The following MELK variants were observed in gnomAD, a reference collection of about 807,000 sequenced individuals.
MELK encodes pEg3 kinase.
MELK carries 81 observed loss-of-function variants against 85.0 expected under a neutral mutation model. The observed-to-expected ratio is 0.95, with a 90% CI of 0.80 to 1.15. The LOEUF is 1.15. Among genes scored for constraint, MELK ranks in the 50% most tolerant of loss-of-function variants. The probability of loss-of-function intolerance (pLI) is 0.00; values close to 1 mark genes in which losing one functional copy is unlikely to be tolerated. For missense variants in MELK, 754 were observed against 777.5 expected (o/e 0.97, Z 0.36); for synonymous variants, 252 against 265.0 (o/e 0.95, Z 0.48).
chr9:36,589,408 A>C, intron 3 of MELK, 128 bp from the exon 4 acceptor site: 1 of 676,728 alleles, frequency 1.5e-6, no homozygotes. Context: ...TCGGCCTCCC[A>C]AAGTGCGGGA....
intron 7 of MELK, chr9:36,606,786 TA>T (rs1381125155): frequency 6.7e-6 from 1 of 148,426 alleles, no homozygotes; most frequent in Non-Finnish European, 1.5e-5. Context: ...TATATATAAA[TA>T]AATGATATAT....
intron 4 of MELK, 29 bp from the exon 5 acceptor site, chr9:36,594,599 C>G: frequency 6.3e-7 from 1 of 1,596,276 alleles, no homozygotes. Flanking sequence ...TAAGTTGTAA[C>G]AATATCTGTG....
At chr9:36,580,032 T>G (rs960938958) in intron 1 of MELK, among the ~76,000 whole-genome samples, 1 of 148,096 alleles carries the variant, frequency 6.8e-6, no homozygotes, top group Non-Finnish European at 1.5e-5. Context: ...AATTTTTTCA[T>G]GTCTTCTTTT....
intron 13 of MELK, among the ~76,000 whole-genome samples, chr9:36,659,180 CT>C (rs1028812722): frequency 2.0e-5 from 3 of 151,712 alleles, no homozygotes; most frequent in African/African-American, 4.8e-5. Context: ...TGCACCTGGC[CT>C]TTTTTTTGTG....
intron 10 of MELK, among the ~76,000 whole-genome samples, chr9:36,635,090 G>A (rs1252851498): frequency 6.3e-5 from 6 of 95,822 alleles, no homozygotes; most frequent in African/African-American, 4.1e-4. Flanking sequence ...TATTAAAAAC[G>A]TACTCAGAAA....
chr9:36,665,650 G>T, intron 14 of MELK, 69 bp downstream of exon 14: 1 of 1,187,656 alleles, frequency 8.4e-7, no homozygotes, highest in South Asian at 1.6e-5. Context: ...ACATATAGCA[G>T]GTCAGAAATG....
chr9:36,636,728 ATTTC>A (rs74181197), intron 10 of MELK, among the ~76,000 whole-genome samples: 2,567 of 100,972 alleles, frequency 0.025, 42 homozygotes, highest in South Asian at 0.048. Context: ...TAGCAACTGG[ATTTC>A]TTTCTTTCTT....
intron 7 of MELK, among the ~76,000 whole-genome samples, chr9:36,600,117 G>A (rs1162354635): frequency 2.0e-5 from 3 of 150,554 alleles, no homozygotes; most frequent in Admixed American, 6.6e-5. Context: ...TTTTTGAGAC[G>A]GAGTCTCACT....
chr9:36,575,642 A>G (rs1247368799), intron 1 of MELK, among the ~76,000 whole-genome samples: 2 of 152,216 alleles, frequency 1.3e-5, no homozygotes, highest in African/African-American at 2.4e-5. Context: ...GTCTTACCTT[A>G]GTTGTTAAAT....
intron 8 of MELK, among the ~76,000 whole-genome samples, chr9:36,624,083 CTT>C (rs774510229): frequency 2.0e-4 from 27 of 132,874 alleles, no homozygotes; most frequent in Admixed American, 3.8e-4. Context: ...TATTATACTT[CTT>C]TTTTTTTTTT....
chr9:36,605,818 C>T (rs1331339229), intron 7 of MELK, among the ~76,000 whole-genome samples: 1 of 151,368 alleles, frequency 6.6e-6, no homozygotes, highest in Non-Finnish European at 1.5e-5. Flanking sequence ...TCTTTGTTTT[C>T]TTCCTTCCTT....
chr9:36,654,104 G>T (rs1177558288), intron 12 of MELK, among the ~76,000 whole-genome samples: 1 of 152,056 alleles, frequency 6.6e-6, no homozygotes, highest in Non-Finnish European at 1.5e-5. Flanking sequence ...TTGCACATGG[G>T]CTCCTTGAAT....
chr9:36,630,238 C>T, intron 8 of MELK, 61 bp from the exon 9 acceptor site: 1 of 1,229,796 alleles, frequency 8.1e-7, no homozygotes, highest in South Asian at 1.2e-5. Flanking sequence ...CATGTTATTA[C>T]CTAAGGAATT....
At chr9:36,608,180 T>C (rs1825738113) in intron 8 of MELK, among the ~76,000 whole-genome samples, 1 of 144,384 alleles carries the variant, frequency 6.9e-6, no homozygotes, top group African/African-American at 2.6e-5. Context: ...CTCGGGAGGC[T>C]GAGGCAGGAG....
chr9:36,628,962 G>T (rs1008665759), intron 8 of MELK, among the ~76,000 whole-genome samples: 1 of 148,172 alleles, frequency 6.7e-6, no homozygotes, highest in African/African-American at 2.5e-5. Flanking sequence ...CGCCTCCTGA[G>T]TTCAAGCAGT....
intron 8 of MELK, among the ~76,000 whole-genome samples, chr9:36,627,718 G>A (rs1240596691): frequency 6.6e-6 from 1 of 151,618 alleles, no homozygotes; most frequent in Non-Finnish European, 1.5e-5. Context: ...GTAGAGACGG[G>A]GTTTCTCCAC....
At chr9:36,609,617 TA>T in intron 8 of MELK, among the ~76,000 whole-genome samples, 1 of 151,980 alleles carries the variant, frequency 6.6e-6, no homozygotes, top group South Asian at 2.1e-4. Flanking sequence ...TCCGGCTAAT[TA>T]AAAAAATTTT....
chr9:36,580,038 CTTTTTTTT>C (rs58166111), intron 1 of MELK, among the ~76,000 whole-genome samples: 2 of 117,946 alleles, frequency 1.7e-5, no homozygotes, highest in African/African-American at 3.1e-5. Flanking sequence ...TTCATGTCTT[CTTTTTTTT>C]TTTTTTTTTT....
chr9:36,591,326 A>C (rs959385101), intron 4 of MELK, among the ~76,000 whole-genome samples: 2 of 152,220 alleles, frequency 1.3e-5, no homozygotes, highest in Non-Finnish European at 2.9e-5. Context: ...TAACTGCAGC[A>C]CTTTGGGAGG....
Sources: gnomAD v4.1 joint callset for allele counts (sites outside exome capture counted in the v4.1 genomes callset) on GRCh38, gnomAD v4.1.1 for gene constraint, MANE v1.5 for transcripts, NCBI Gene and HGNC (gene_info 2026-07-23, HGNC 2026-07-21) for gene names.